UTRN: variants seen among roughly 807,000 people sequenced by gnomAD.
The protein encoded by UTRN is dystrophin-related protein 1.
UTRN carries 283 observed loss-of-function variants against 463.9 expected under a neutral mutation model. That is an observed-to-expected ratio of 0.61 (90% CI 0.55 to 0.67). The LOEUF (loss-of-function observed/expected upper bound fraction) is 0.67, where lower values mean the gene tolerates loss of function less well. Ranked by LOEUF, UTRN falls within the 30% of genes least tolerant of loss-of-function variation. The probability of loss-of-function intolerance (pLI) is 0.00; values close to 1 mark genes in which losing one functional copy is unlikely to be tolerated. For missense variants in UTRN, 3,922 were observed against 4,084.3 expected (o/e 0.96, Z 1.08); for synonymous variants, 1,442 against 1,431.5 (o/e 1.01, Z -0.17).
intron 54 of UTRN, among the ~76,000 whole-genome samples, chr6:144,733,249 T>G (rs1788962517): frequency 6.6e-6 from 1 of 152,190 alleles, no homozygotes; most frequent in South Asian, 2.1e-4. Flanking sequence ...CCGGACGCGG[T>G]GGCTTACACT....
chr6:144,684,933 A>G (rs1356229145), intron 52 of UTRN, among the ~76,000 whole-genome samples: 1 of 152,232 alleles, frequency 6.6e-6, no homozygotes, highest in Admixed American at 6.5e-5. Context: ...TGAATTGTAT[A>G]GCGGTGAAGT....
Position 144,550,954 on chromosome 6 carries a change from C to T in UTRN, c.6811-11C>T. 6.3e-7 allele frequency: 1 copy of T among 1,583,658 alleles called. No individual in the cohort carries two copies. The highest frequency in any genetic ancestry group is 8.6e-7 in the Non-Finnish European group (1 of 1,168,876). On this transcript the variant is annotated splice_polypyrimidine_tract_variant and intron_variant, in intron 47 of 74. Transcript: ENST00000367545. ...TATTAACCTATCCGAATAATCATTT[C>T]TACTTAACAGATTACAAAGGCTGAC...
chr6:144,525,555 A>G (rs1487491122), intron 41 of UTRN, among the ~76,000 whole-genome samples: 1 of 151,946 alleles, frequency 6.6e-6, no homozygotes, highest in Non-Finnish European at 1.5e-5. Context: ...GATTGAACTG[A>G]TTTGGATCCT....
At chr6:144,628,108 C>CT (rs942017337) in intron 51 of UTRN, among the ~76,000 whole-genome samples, 1 of 152,020 alleles carries the variant, frequency 6.6e-6, no homozygotes, top group African/African-American at 2.4e-5. Context: ...CAATTTTCTT[C>CT]TTTTTTAAGG....
intron 39 of UTRN, among the ~76,000 whole-genome samples, chr6:144,519,581 C>T (rs145836453): frequency 1.3e-5 from 2 of 152,144 alleles, no homozygotes; most frequent in Non-Finnish European, 2.9e-5. Flanking sequence ...GGTCAGATCT[C>T]GAGGACATTT....
chr6:144,606,144 G>A (rs575438810), intron 51 of UTRN, among the ~76,000 whole-genome samples: 1 of 152,224 alleles, frequency 6.6e-6, no homozygotes, highest in African/African-American at 2.4e-5. Flanking sequence ...AATGAACTTA[G>A]TTTTATTCAG....
chr6:144,465,598 A>G (rs763431724), intron 23 of UTRN, among the ~76,000 whole-genome samples: 36 of 152,300 alleles, frequency 2.4e-4, no homozygotes, highest in Non-Finnish European at 4.6e-4. Flanking sequence ...TAACTTCTTC[A>G]TTGAAATACA....
rs1047192564 is a variant in UTRN at position 144,647,568 on chromosome 6, C to T, written c.7480-30838C>T. Among the ~76,000 whole-genome samples the T allele has an allele frequency of 3.3e-5, 5 of 152,322 alleles. No individual in the cohort carries two copies. The East Asian group carries it at 5.8e-4, about 18-fold the overall frequency. On this transcript the variant is annotated intron_variant, in intron 51 of 74. Transcript: ENST00000367545. ...GTTGGCGACAAATCATTGTTAAAGA[C>T]GTCATTACTAGACAGATGTCCTTGT...
At chr6:144,422,607 G>T (rs1402616079) in intron 4 of UTRN, among the ~76,000 whole-genome samples, 2 of 150,222 alleles carry the variant, frequency 1.3e-5, no homozygotes, top group Non-Finnish European at 2.9e-5. Flanking sequence ...AACAGAGTGA[G>T]ACTCCGTCTC....
intron 66 of UTRN, among the ~76,000 whole-genome samples, chr6:144,825,244 A>G (rs942343661): frequency 1.3e-5 from 2 of 152,304 alleles, no homozygotes; most frequent in South Asian, 4.1e-4. Context: ...TGTGTGATTG[A>G]CAAAATCACC....
chr6:144,354,438 T>G (rs1445828405), intron 2 of UTRN, among the ~76,000 whole-genome samples: 1 of 152,192 alleles, frequency 6.6e-6, no homozygotes, highest in East Asian at 1.9e-4. Context: ...TGCTGCAGCA[T>G]CCAACCACGT....
intron 2 of UTRN, among the ~76,000 whole-genome samples, chr6:144,343,363 A>AACACACACACACACACACACACAC (rs3061626): frequency 7.4e-6 from 1 of 135,332 alleles, no homozygotes; most frequent in African/African-American, 2.9e-5. Flanking sequence ...GTCTCTACTA[A>AACACACACACACACACACACACAC]ACACACACAC....
chr6:144,409,159 T>G (rs550484934), intron 3 of UTRN, among the ~76,000 whole-genome samples: 1 of 152,250 alleles, frequency 6.6e-6, no homozygotes, highest in Admixed American at 6.5e-5. Context: ...GCTATACTTA[T>G]GCAAGCTTTG....
intron 35 of UTRN, 89 bp downstream of exon 35, chr6:144,511,212 C>A (rs1032184755): frequency 7.9e-7 from 1 of 1,263,408 alleles, no homozygotes; most frequent in Non-Finnish European, 1.0e-6. Flanking sequence ...AATTTCAAAT[C>A]CTGTTTACTG....
chr6:144,705,397 C>CT (rs1232211300), intron 53 of UTRN, among the ~76,000 whole-genome samples: 1 of 152,100 alleles, frequency 6.6e-6, no homozygotes, highest in Non-Finnish European at 1.5e-5. Flanking sequence ...AACTGGGTGG[C>CT]TTATAAACAA....
At chr6:144,536,852 ATATTCTTATAAATGT>A (rs1407433385) in intron 43 of UTRN, among the ~76,000 whole-genome samples, 2 of 152,054 alleles carry the variant, frequency 1.3e-5, no homozygotes, top group African/African-American at 4.8e-5. Context: ...CAGATGGTTT[ATATTCTTATAAATGT>A]TATTCTTATA....
intron 54 of UTRN, among the ~76,000 whole-genome samples, chr6:144,744,881 G>A (rs1157767726): frequency 2.0e-5 from 3 of 152,180 alleles, no homozygotes; most frequent in Non-Finnish European, 4.4e-5. Context: ...CAGTGGAGTG[G>A]AAATGTCCCG....
intron 51 of UTRN, among the ~76,000 whole-genome samples, chr6:144,583,014 A>G (rs1279395595): frequency 1.3e-5 from 2 of 152,226 alleles, no homozygotes; most frequent in Non-Finnish European, 2.9e-5. Context: ...ATCCCTCTTT[A>G]GAGACGGTGA....
chr6:144,766,800 G>GTGTGTGTGTGTGTGTGTGTT (rs1793408690), intron 58 of UTRN, among the ~76,000 whole-genome samples: 1 of 152,086 alleles, frequency 6.6e-6, no homozygotes, highest in African/African-American at 2.4e-5. Context: ...GTGTGTGTGT[G>GTGTGTGTGTGTGTGTGTGTT]TGTGTTTAAG....
Sources: gnomAD v4.1 joint callset for allele counts (sites outside exome capture counted in the v4.1 genomes callset) on GRCh38, gnomAD v4.1.1 for gene constraint, MANE v1.5 for transcripts, NCBI Gene and HGNC (gene_info 2026-07-23, HGNC 2026-07-21) for gene names.